Variants in LARP1 observed in about 807,000 individuals in gnomAD.
LARP1 encodes the protein La ribonucleoprotein 1, translational regulator.
LARP1 carries 36 observed loss-of-function variants against 122.7 expected under a neutral mutation model. That is an observed-to-expected ratio of 0.29 (90% CI 0.22 to 0.39). LARP1 has a LOEUF of 0.39. Ranked by LOEUF, LARP1 falls within the 10% of genes least tolerant of loss-of-function variation. The pLI is 1.00. For missense variants in LARP1, 1,040 were observed against 1,403.6 expected (o/e 0.74, Z 4.14); for synonymous variants, 539 against 528.7 (o/e 1.02, Z -0.27).
chr5:154,797,580 T>G (rs1330389466), intron 8 of LARP1, among the ~76,000 whole-genome samples: 2 of 152,122 alleles, frequency 1.3e-5, no homozygotes, highest in Admixed American at 6.5e-5. Flanking sequence ...CTTGTGGATC[T>G]TTTATTTTAC....
intron 1 of LARP1, among the ~76,000 whole-genome samples, chr5:154,735,171 C>T (rs1756801894): frequency 6.6e-6 from 1 of 152,152 alleles, no homozygotes; most frequent in South Asian, 2.1e-4. Context: ...ACCCTGCTTT[C>T]AGGTCAAACG....
At chr5:154,721,651 T>C (rs907079423) in intron 1 of LARP1, among the ~76,000 whole-genome samples, 1 of 152,158 alleles carries the variant, frequency 6.6e-6, no homozygotes, top group Non-Finnish European at 1.5e-5. Flanking sequence ...AAACTGGAAT[T>C]CAACATCCTA....
At chr5:154,743,200 A>G (rs1752999175) in intron 1 of LARP1, among the ~76,000 whole-genome samples, 1 of 152,190 alleles carries the variant, frequency 6.6e-6, no homozygotes, top group Non-Finnish European at 1.5e-5. Flanking sequence ...TAGCAAAAAA[A>G]TCCGCTATCC....
intron 14 of LARP1, among the ~76,000 whole-genome samples, chr5:154,805,484 C>T (rs530589780): frequency 6.6e-6 from 1 of 152,176 alleles, no homozygotes; most frequent in African/African-American, 2.4e-5. Context: ...TGGACCCACG[C>T]GTGGATCCAT....
rs376652020 is a variant in LARP1, at chr5:154,781,166, A to G, written c.437-9159A>G. On this transcript the variant is annotated intron_variant, in intron 1 of 18. Transcript: ENST00000518297. ...GCTTGGCAGCCTCCCACATCAGGGT[A>G]ATGGAGTCAGGTGTGCGTGTAGTTG... is the stretch of plus-strand genomic sequence containing the variant. Among the ~76,000 whole-genome samples the G allele has an allele frequency of 2.2e-4, 34 of 152,302 alleles. No homozygotes were observed. In the South Asian group the frequency reaches 7.0e-3, roughly 32 times the overall value.
chr5:154,759,021 C>G (rs1754234478), intron 1 of LARP1, among the ~76,000 whole-genome samples: 1 of 152,126 alleles, frequency 6.6e-6, no homozygotes. Flanking sequence ...AGATCCAAGA[C>G]GTCTAAGTTA....
chr5:154,771,604 G>A (rs1024046799), intron 1 of LARP1, among the ~76,000 whole-genome samples: 1 of 152,176 alleles, frequency 6.6e-6, no homozygotes. Flanking sequence ...GAGAGGACTC[G>A]CACAGATCTT....
chr5:154,803,985 G>A lies in LARP1; in HGVS notation c.2440-216G>A, dbSNP rs1758551756. 6.6e-6 allele frequency among the ~76,000 whole-genome samples: 1 copy of A among 152,094 alleles called. No homozygotes were observed. The highest frequency in any genetic ancestry group is 1.5e-5 in the Non-Finnish European group (1 of 68,006). On this transcript the variant is annotated intron_variant, in intron 13 of 18. Transcript: ENST00000518297. The surrounding 1 kb of genome is among the most constrained non-coding windows in gnomAD (Gnocchi z 4.4). ...GAGGATTGACCAGGTATGAGTCCTT[G>A]GGCAAATCACTGCATTCCCAAACCT...
chr5:154,704,701 T>C (rs960408197), intron 1 of LARP1, among the ~76,000 whole-genome samples: 3 of 123,350 alleles, frequency 2.4e-5, no homozygotes, highest in Admixed American at 8.1e-5. Context: ...ACAGAATAAA[T>C]AGACAACCTA....
chr5:154,706,930 ATCTC>A (rs925157207), intron 1 of LARP1, among the ~76,000 whole-genome samples: 3 of 152,242 alleles, frequency 2.0e-5, no homozygotes, highest in Non-Finnish European at 2.9e-5. Flanking sequence ...AAAGAAATAA[ATCTC>A]TCTATTTCAC....
chr5:154,695,954 A>C (rs142559269), intron 1 of LARP1, among the ~76,000 whole-genome samples: 1 of 152,292 alleles, frequency 6.6e-6, no homozygotes, highest in East Asian at 1.9e-4. Flanking sequence ...GATGTACGCT[A>C]GTAGGTCTTG....
At chr5:154,773,437 C>T (rs937410412) in intron 1 of LARP1, among the ~76,000 whole-genome samples, 2 of 151,950 alleles carry the variant, frequency 1.3e-5, no homozygotes, top group Non-Finnish European at 2.9e-5. Flanking sequence ...TACCTGTGAG[C>T]CCTCCACTCT....
At chr5:154,795,032 C>G (rs1757635680) in intron 7 of LARP1, 143 bp from the exon 8 acceptor site, 1 of 762,930 alleles carries the variant, frequency 1.3e-6, no homozygotes, top group African/African-American at 1.7e-5. Flanking sequence ...TTTCAGCCCT[C>G]AACACTGTTG....
chr5:154,739,241 C>T (rs1254779963), intron 1 of LARP1, among the ~76,000 whole-genome samples: 1 of 152,032 alleles, frequency 6.6e-6, no homozygotes, highest in Non-Finnish European at 1.5e-5. Flanking sequence ...AGGATGGTCT[C>T]GATCTCCTGA....
upstream of LARP1, among the ~76,000 whole-genome samples, chr5:154,754,855 G>C (rs1753703660): frequency 6.6e-6 from 1 of 152,138 alleles, no homozygotes. Flanking sequence ...CGCGTCCTCG[G>C]GGCGGATGAG....
At chr5:154,798,778 G>T (rs2113816601) in intron 8 of LARP1, among the ~76,000 whole-genome samples, 1 of 152,336 alleles carries the variant, frequency 6.6e-6, no homozygotes, top group Admixed American at 6.5e-5. Context: ...ACAGGTGTGA[G>T]CCACTGTACC....
chr5:154,779,424 A>G (rs1440802759), intron 1 of LARP1, among the ~76,000 whole-genome samples: 1 of 151,474 alleles, frequency 6.6e-6, no homozygotes, highest in African/African-American at 2.4e-5. Context: ...TGCTGCTCTA[A>G]CCTGTCTCTT....
intron 1 of LARP1, among the ~76,000 whole-genome samples, chr5:154,721,587 C>T (rs2113351262): frequency 6.6e-6 from 1 of 152,266 alleles, no homozygotes; most frequent in South Asian, 2.1e-4. Flanking sequence ...CCTCTTCCTG[C>T]CAGCCACTGC....
chr5:154,700,658 C>T (rs1233400853), intron 1 of LARP1, among the ~76,000 whole-genome samples: 2 of 152,070 alleles, frequency 1.3e-5, no homozygotes, highest in African/African-American at 2.4e-5. Context: ...GGGTCTCGCT[C>T]TATCACCCAG....
Sources: allele counts gnomAD v4.1 joint callset (sites outside exome capture counted in the v4.1 genomes callset), GRCh38; gene constraint gnomAD v4.1.1; non-coding constraint Gnocchi (gnomAD v3.1); transcripts MANE v1.5; gene names NCBI Gene and HGNC (gene_info 2026-07-23, HGNC 2026-07-21).